Variants in CNST observed in about 807,000 individuals in gnomAD.
CNST encodes the protein consortin, connexin sorting protein, also known as consortin.
In CNST, 39 loss-of-function variants were observed where a neutral mutation model predicts 72.4. That is an observed-to-expected ratio of 0.54 (90% CI 0.42 to 0.70). The LOEUF is 0.70. CNST is among the 30% of genes least tolerant of loss of function. The pLI, the probability that CNST is intolerant of heterozygous loss-of-function variation, is 0.00. For synonymous variants in CNST, 332 were observed against 320.1 expected, an observed-to-expected ratio of 1.04 and a Z score of -0.40; for missense variants, 871 against 868.5, an observed-to-expected ratio of 1.00 and a Z score of -0.04.
chr1:246,588,592 A>G (rs776219300), intron 1 of CNST, among the ~76,000 whole-genome samples: 3 of 152,242 alleles, frequency 2.0e-5, no homozygotes, highest in Non-Finnish European at 4.4e-5. Flanking sequence ...TATGTGAGAC[A>G]TATATGTAAT....
rs1667448703 is a variant in CNST at position 246,667,857 on chromosome 1, C to G, written c.*1952C>G. 1 of 152,204 alleles carries G rather than the reference C, an allele frequency of 6.6e-6. No individual in the cohort carries two copies. Among genetic ancestry groups the G allele is most frequent in the African/African-American group, 2.4e-5 (1 of 41,450 alleles). 9.4% of individuals were successfully genotyped at this position (152,204 alleles called of 1,614,324 possible). A position where few individuals can be genotyped will look rare whatever the true frequency, so the allele number is the denominator to read the frequency against. On this transcript the variant is annotated 3_prime_UTR_variant, in exon 11 of 11. Coordinates refer to ENST00000366513, the MANE Select transcript of CNST (RefSeq NM_152609.3). ...GTTAAAACTTCCCTCCTGTTCACCT[C>G]TTGGGTCTCTATCCTGTGTAACCTC...
chr1:246,583,039 T>C (rs1325142050), intron 1 of CNST, among the ~76,000 whole-genome samples: 1 of 152,204 alleles, frequency 6.6e-6, no homozygotes, highest in Non-Finnish European at 1.5e-5. Context: ...CTGTGTTTCT[T>C]GGGCAGGGGG....
intron 2 of CNST, among the ~76,000 whole-genome samples, chr1:246,604,272 A>C (rs553677334): frequency 6.6e-6 from 1 of 152,078 alleles, no homozygotes; most frequent in Admixed American, 6.6e-5. Context: ...GAAAAAAAAA[A>C]GGGGCTTGGT....
Position 246,667,015 on chromosome 1 carries a change from G to A in CNST, c.*1110G>A, listed in dbSNP as rs1043346555. 1 of 151,944 alleles carries A rather than the reference G, an allele frequency of 6.6e-6. No homozygotes were observed. Among genetic ancestry groups the A allele is most frequent in the African/African-American group, 2.4e-5 (1 of 41,362 alleles). The allele number at this position is 151,944 out of a possible 1,614,324, so 9.4% of individuals were successfully genotyped here. ...CAAAAATTCAATCATACCTTCCATAGACAAATGTCTGATTTTTGTTTAAAT... is the reference window on the plus strand; with the variant it reads ...CAAAAATTCAATCATACCTTCCATAAACAAATGTCTGATTTTTGTTTAAAT... On this transcript the variant is annotated 3_prime_UTR_variant, in exon 11 of 11. Coordinates refer to ENST00000366513, the MANE Select transcript of CNST (RefSeq NM_152609.3).
At chr1:246,577,792 A>G (rs151221809) in intron 1 of CNST, among the ~76,000 whole-genome samples, 4 of 152,224 alleles carry the variant, frequency 2.6e-5, no homozygotes, top group African/African-American at 9.6e-5. Flanking sequence ...TACCCACTTT[A>G]GAAAAGAACT....
chr1:246,607,075 C>T (rs1393117425), intron 2 of CNST: 1 of 152,546 alleles, frequency 6.6e-6, no homozygotes, highest in Admixed American at 6.5e-5. Context: ...TTGGCCACCA[C>T]TCGGCTGTGG....
chr1:246,613,651 CT>C (rs1663478833), intron 2 of CNST, among the ~76,000 whole-genome samples: 1 of 9,382 alleles, frequency 1.1e-4, no homozygotes, highest in Admixed American at 1.4e-3. Flanking sequence ...TTCTTTCTCT[CT>C]CTCTCTCTCC....
Position 246,591,743 on chromosome 1 carries a change from C to T in CNST, c.181C>T (p.Pro61Ser). ...CAGCAGTGACAGTGCGATGGGAAAG[C>T]CCCAAGTGTCTGAGCAGGACAGTCT... ...LTSSDSAMGK[P>S]QVSEQDSLNN... Residue 61 changes from proline to serine, a missense_variant, in exon 2 of 11, where the codon CCC becomes TCC. Physicochemically the swap from Pro to Ser is moderately conservative, Grantham distance 74. Coordinates refer to ENST00000366513, the MANE Select transcript of CNST (RefSeq NM_152609.3). 1 of 1,614,150 alleles carries T rather than the reference C, an allele frequency of 6.2e-7. No individual in the cohort carries two copies.
At chr1:246,602,092 T>A (rs543181507) in intron 2 of CNST, among the ~76,000 whole-genome samples, 1 of 152,356 alleles carries the variant, frequency 6.6e-6, no homozygotes. Flanking sequence ...CCTGCTGTTA[T>A]CTAGCTCTTT....
intron 9 of CNST, among the ~76,000 whole-genome samples, chr1:246,652,827 AC>A (rs1168661238): frequency 3.7e-4 from 56 of 150,164 alleles, no homozygotes; most frequent in Non-Finnish European, 4.4e-4. Context: ...ACACGGTGAA[AC>A]CCCGTCTCTA....
intron 8 of CNST, among the ~76,000 whole-genome samples, chr1:246,644,988 A>G (rs1665950667): frequency 6.6e-6 from 1 of 152,148 alleles, no homozygotes. Context: ...GCAGCCTTAC[A>G]AACTTTGAGT....
At chr1:246,633,746 GAA>G (rs746900904) in intron 4 of CNST, among the ~76,000 whole-genome samples, 176 bp from the exon 5 acceptor site, 27 of 113,926 alleles carry the variant, frequency 2.4e-4, no homozygotes, top group African/African-American at 5.8e-4. Flanking sequence ...CCATCTCAAG[GAA>G]AAAAAAAAAA....
intron 2 of CNST, among the ~76,000 whole-genome samples, chr1:246,597,495 C>A (rs1661967046): frequency 6.6e-6 from 1 of 152,204 alleles, no homozygotes; most frequent in South Asian, 2.1e-4. Flanking sequence ...TAGATATTTA[C>A]TCAGCGCTAG....
At position 246,641,111 on chromosome 1, in the gene CNST, T is replaced by C. The variant is rs563748300; in HGVS notation, c.819-638T>C. ...GTCTAGATTCTTGCACCCATCAGTA[T>C]GTCTTGTTCCATGTTGTTGCATGTA... On this transcript the variant is annotated intron_variant, in intron 6 of 10. Transcript: ENST00000366513. 3.9e-5 allele frequency among the ~76,000 whole-genome samples: 6 copies of C among 152,370 alleles called. No homozygotes were observed. In the South Asian group the frequency reaches 8.3e-4, roughly 21 times the overall value.
chr1:246,648,418 T>C (rs1666255988), intron 9 of CNST, among the ~76,000 whole-genome samples: 1 of 152,180 alleles, frequency 6.6e-6, no homozygotes, highest in African/African-American at 2.4e-5. Context: ...AAATATGATA[T>C]GTACTTACTG....
chr1:246,622,549 G>A (rs1181552106), intron 3 of CNST, among the ~76,000 whole-genome samples: 1 of 152,186 alleles, frequency 6.6e-6, no homozygotes, highest in Non-Finnish European at 1.5e-5. Context: ...AGATGAAGAT[G>A]TTAAAAGAGG....
chr1:246,568,076 G>C (rs1019379181), intron 1 of CNST, among the ~76,000 whole-genome samples: 1 of 151,980 alleles, frequency 6.6e-6, no homozygotes, highest in Admixed American at 6.6e-5. Context: ...CAAGGTGGGA[G>C]GATCACTTGC....
intron 2 of CNST, among the ~76,000 whole-genome samples, chr1:246,604,477 T>A (rs1198326717): frequency 6.6e-6 from 1 of 152,124 alleles, no homozygotes; most frequent in Non-Finnish European, 1.5e-5. Context: ...AATGCTTCCG[T>A]TCTTATATGA....
intron 1 of CNST, 23 bp from the exon 2 acceptor site, chr1:246,591,489 C>A: frequency 6.5e-7 from 1 of 1,534,106 alleles, no homozygotes; most frequent in Admixed American, 1.9e-5. Context: ...AATGAAGTAG[C>A]TTTTTTCTTT....
Sources: allele counts gnomAD v4.1 joint callset (sites outside exome capture counted in the v4.1 genomes callset), GRCh38; gene constraint gnomAD v4.1.1; transcripts MANE v1.5; gene names NCBI Gene and HGNC (gene_info 2026-07-23, HGNC 2026-07-21).